The following IL1RAPL1 variants were observed in gnomAD, a reference collection of about 807,000 sequenced individuals.
IL1RAPL1 encodes interleukin 1 receptor accessory protein like 1.
IL1RAPL1 carries 3 observed loss-of-function variants against 48.4 expected under a neutral mutation model. That is an observed-to-expected ratio of 0.06 (90% CI 0.03 to 0.16). The LOEUF is 0.16. IL1RAPL1 is among the 10% of genes least tolerant of loss of function. IL1RAPL1 has a pLI of 1.00. For missense variants in IL1RAPL1, 349 were observed against 530.6 expected (o/e 0.66, Z 3.36); for synonymous variants, 185 against 187.7 (o/e 0.99, Z 0.12).
intron 6 of IL1RAPL1, among the ~76,000 whole-genome samples, chrX:29,798,515 C>G (rs1929800221): frequency 8.9e-6 from 1 of 111,770 alleles, no homozygotes; most frequent in Non-Finnish European, 1.9e-5. Context: ...ATGTTCAAAA[C>G]CAAGTTCCAT....
chrX:29,273,214 C>G (rs1219493144), intron 2 of IL1RAPL1, among the ~76,000 whole-genome samples: 3 of 112,227 alleles, frequency 2.7e-5, no homozygotes, highest in Non-Finnish European at 5.6e-5. Context: ...CAGTCTGGCT[C>G]TTTCAGTTGC....
At chrX:29,924,667 T>C (rs1932871634) in intron 8 of IL1RAPL1, among the ~76,000 whole-genome samples, 1 of 21,915 alleles carries the variant, frequency 4.6e-5, no homozygotes, top group Non-Finnish European at 1.4e-4. Context: ...TGAAGGGTTA[T>C]GTTTCCTTAT....
At chrX:29,824,575 G>T (rs751310866) in intron 6 of IL1RAPL1, among the ~76,000 whole-genome samples, 4 of 112,329 alleles carry the variant, frequency 3.6e-5, no homozygotes, top group Non-Finnish European at 7.5e-5. Context: ...AAAGGCTGGC[G>T]TTTAGTCAGC....
intron 3 of IL1RAPL1, among the ~76,000 whole-genome samples, chrX:29,330,996 A>G (rs929902910): frequency 7.3e-5 from 8 of 110,169 alleles, no homozygotes; most frequent in Non-Finnish European, 1.1e-4. Flanking sequence ...GTGAAACCCC[A>G]TCTCTACTAA....
chrX:29,886,307 T>C lies in IL1RAPL1; in HGVS notation c.779-31157T>C, dbSNP rs138338833. Reference sequence around the variant, plus strand: ...TAAATTTTTAGCTATGCATGCTTACTAGAAGTAAGCAATAAGCAATAACTT... The same window carrying C: ...TAAATTTTTAGCTATGCATGCTTACCAGAAGTAAGCAATAAGCAATAACTT... On this transcript the variant is annotated intron_variant, in intron 6 of 10. Transcript: ENST00000378993. Among the ~76,000 whole-genome samples the C allele has an allele frequency of 2.7e-3, 305 of 112,628 alleles. 3 individuals are homozygous for C. Among genetic ancestry groups the C allele is most frequent in the African/African-American group, 9.6e-3 (297 of 31,083 alleles).
chrX:29,067,032 A>C (rs187042908), intron 2 of IL1RAPL1, among the ~76,000 whole-genome samples: 1 of 111,635 alleles, frequency 9.0e-6, no homozygotes, highest in African/African-American at 3.3e-5. Flanking sequence ...GAGATTTGGT[A>C]GAGTTTCTTC....
chrX:29,925,159 G>A (rs1430363290), intron 8 of IL1RAPL1, among the ~76,000 whole-genome samples: 1 of 110,836 alleles, frequency 9.0e-6, no homozygotes, highest in African/African-American at 3.3e-5. Context: ...GCCAAACTTC[G>A]TTCAGAAATC....
chrX:29,758,743 T>C (rs1928680893), intron 6 of IL1RAPL1, among the ~76,000 whole-genome samples: 1 of 110,557 alleles, frequency 9.0e-6, no homozygotes, highest in Non-Finnish European at 1.9e-5. Context: ...CTCATTCATT[T>C]CACAAATGTC....
intron 5 of IL1RAPL1, among the ~76,000 whole-genome samples, chrX:29,421,257 G>A (rs1480026972): frequency 9.0e-6 from 1 of 110,995 alleles, no homozygotes; most frequent in East Asian, 2.8e-4. Flanking sequence ...AAGGAAAAAG[G>A]AAAAACAACA....
intron 5 of IL1RAPL1, among the ~76,000 whole-genome samples, chrX:29,534,963 G>A (rs1180769463): frequency 9.5e-6 from 1 of 104,899 alleles, no homozygotes; most frequent in East Asian, 3.0e-4. Flanking sequence ...GGGAGACTCC[G>A]TCTCAAAAAA....
intron 2 of IL1RAPL1, among the ~76,000 whole-genome samples, chrX:28,848,320 T>TA (rs1449800108): frequency 1.8e-5 from 2 of 111,351 alleles, no homozygotes; most frequent in South Asian, 3.8e-4. Context: ...TCCCAGAACT[T>TA]AAAGTAAAAT....
intron 2 of IL1RAPL1, among the ~76,000 whole-genome samples, chrX:28,859,244 A>T (rs749650924): frequency 8.9e-6 from 1 of 112,138 alleles, no homozygotes; most frequent in Admixed American, 9.5e-5. Context: ...GTCTCCTACA[A>T]AAAAGATCTT....
At chrX:28,651,672 C>T (rs1219387716) in intron 1 of IL1RAPL1, among the ~76,000 whole-genome samples, 3 of 112,604 alleles carry the variant, frequency 2.7e-5, no homozygotes, top group South Asian at 7.2e-4. Flanking sequence ...CATTTGAGAA[C>T]ATACACTACC....
At chrX:29,347,141 A>G (rs1031689292) in intron 3 of IL1RAPL1, among the ~76,000 whole-genome samples, 1 of 110,744 alleles carries the variant, frequency 9.0e-6, no homozygotes, top group African/African-American at 3.3e-5. Flanking sequence ...GAAACCATGG[A>G]TAGTACTGAA....
intron 1 of IL1RAPL1, among the ~76,000 whole-genome samples, chrX:28,768,729 G>C (rs7891177): frequency 0.22 from 10,799 of 50,048 alleles, 1,508 homozygotes; most frequent in East Asian, 0.44. Context: ...CTCTCTCTCT[G>C]TCTCTCTCTC....
chrX:28,626,045 G>A (rs1364884880), intron 1 of IL1RAPL1, among the ~76,000 whole-genome samples: 1 of 111,819 alleles, frequency 8.9e-6, no homozygotes, highest in Non-Finnish European at 1.9e-5. Flanking sequence ...CAAACACCAG[G>A]AAGATACAGA....
At chrX:29,437,646 A>G (rs923741455) in intron 5 of IL1RAPL1, among the ~76,000 whole-genome samples, 2 of 110,413 alleles carry the variant, frequency 1.8e-5, no homozygotes, top group African/African-American at 6.6e-5. Flanking sequence ...TGGGTGTTAC[A>G]TTTTATCAAA....
chrX:29,393,560 G>A (rs1021116832), intron 3 of IL1RAPL1, among the ~76,000 whole-genome samples: 3 of 110,992 alleles, frequency 2.7e-5, no homozygotes, highest in African/African-American at 6.5e-5. Flanking sequence ...TGAATGTCTC[G>A]TATTCCATAC....
At chrX:29,637,766 C>T (rs1455714762) in intron 5 of IL1RAPL1, among the ~76,000 whole-genome samples, 1 of 111,595 alleles carries the variant, frequency 9.0e-6, no homozygotes, top group Non-Finnish European at 1.9e-5. Flanking sequence ...CCTTTTGTAT[C>T]TCTCCACAGC....
Sources: gnomAD v4.1 joint callset for allele counts (sites outside exome capture counted in the v4.1 genomes callset) on GRCh38, gnomAD v4.1.1 for gene constraint, MANE v1.5 for transcripts, NCBI Gene and HGNC (gene_info 2026-07-23, HGNC 2026-07-21) for gene names.